TSPAN5: variants seen among roughly 807,000 people sequenced by gnomAD.
The protein encoded by TSPAN5 is tetraspanin 5.
In TSPAN5, 10 loss-of-function variants were observed where a neutral mutation model predicts 37.1. The ratio of observed to expected loss-of-function variants is 0.27; its 90% CI spans 0.17 to 0.46. TSPAN5 has a LOEUF of 0.46. Ranked by LOEUF, TSPAN5 falls within the 20% of genes least tolerant of loss-of-function variation. The pLI, the probability that TSPAN5 is intolerant of heterozygous loss-of-function variation, is 1.00. For synonymous variants in TSPAN5, 110 were observed against 118.9 expected (o/e 0.93, Z 0.48); for missense variants, 195 against 326.6 (o/e 0.60, Z 3.11).
At chr4:98,558,417 T>G (rs1754797799) in intron 1 of TSPAN5, among the ~76,000 whole-genome samples, 1 of 152,184 alleles carries the variant, frequency 6.6e-6, no homozygotes, top group South Asian at 2.1e-4. Context: ...AAATCCATAC[T>G]GAATTTAGAA....
chr4:98,509,602 T>C (rs1428605076), intron 1 of TSPAN5, among the ~76,000 whole-genome samples: 1 of 152,190 alleles, frequency 6.6e-6, no homozygotes, highest in South Asian at 2.1e-4. Context: ...CTTGCTCTTA[T>C]AGGGGACTCC....
intron 1 of TSPAN5, among the ~76,000 whole-genome samples, chr4:98,634,851 G>A (rs116705439): frequency 0.014 from 2,106 of 152,338 alleles, 33 homozygotes; most frequent in African/African-American, 0.037. Context: ...CAGAGTGGGA[G>A]AAGAGACAAA....
intron 1 of TSPAN5, among the ~76,000 whole-genome samples, chr4:98,550,506 C>A (rs1336326075): frequency 6.6e-6 from 1 of 151,922 alleles, no homozygotes; most frequent in Non-Finnish European, 1.5e-5. Context: ...ATTCTTCTAA[C>A]CCATGAGCAT....
At chr4:98,598,863 T>C (rs1000270459) in intron 1 of TSPAN5, among the ~76,000 whole-genome samples, 9 of 152,294 alleles carry the variant, frequency 5.9e-5, no homozygotes, top group Middle Eastern at 3.4e-3. Context: ...TTCAGAGTTA[T>C]TGAACATAAA....
intron 1 of TSPAN5, among the ~76,000 whole-genome samples, chr4:98,519,430 C>G (rs1207852379): frequency 6.6e-6 from 1 of 151,874 alleles, no homozygotes; most frequent in Non-Finnish European, 1.5e-5. Flanking sequence ...CCCAGGAGTT[C>G]AAGGTTACAT....
chr4:98,514,139 AT>A (rs1222066585), intron 1 of TSPAN5, among the ~76,000 whole-genome samples: 1 of 152,210 alleles, frequency 6.6e-6, no homozygotes, highest in African/African-American at 2.4e-5. Context: ...AAAACCCAAC[AT>A]TCTGATGAAG....
In TSPAN5 at chr4:98,511,302, T is replaced by A. The variant is rs1753599124; in HGVS notation, c.82-3574A>T. On this transcript the variant is annotated intron_variant, in intron 1 of 7. Transcript: ENST00000305798. Reference sequence around the variant, plus strand: ...CGTGTTGCTTAATAAAGGGAATACGTTCTGAGAAATGTGTAGTCATGCAAA... The same window carrying A: ...CGTGTTGCTTAATAAAGGGAATACGATCTGAGAAATGTGTAGTCATGCAAA... Among the ~76,000 whole-genome samples the A allele has an allele frequency of 3.3e-5, 5 of 152,134 alleles. No homozygotes were observed. The South Asian group carries it at 1.0e-3, about 32-fold the overall frequency.
intron 1 of TSPAN5, among the ~76,000 whole-genome samples, chr4:98,533,709 C>T (rs1016535088): frequency 6.7e-6 from 1 of 148,900 alleles, no homozygotes; most frequent in African/African-American, 2.5e-5. Flanking sequence ...CGCCACCAAG[C>T]CTGGCTAATT....
intron 1 of TSPAN5, among the ~76,000 whole-genome samples, chr4:98,648,753 T>C (rs1026369831): frequency 2.0e-5 from 3 of 152,094 alleles, no homozygotes; most frequent in Non-Finnish European, 2.9e-5. Flanking sequence ...CTCCCACACA[T>C]CCCCTCCAGG....
At position 98,498,286 on chromosome 4, in the gene TSPAN5, G is replaced by A. The variant is rs1028461284; in HGVS notation, c.132+9392C>T. On this transcript the variant is annotated intron_variant, in intron 2 of 7. Transcript: ENST00000305798. ...CAGAGCAGGGTTCTGAGCCTGGGCC[G>A]CCTGACCCAAGAGCAGGGTTCACAC... 3.5e-4 allele frequency among the ~76,000 whole-genome samples: 54 copies of A among 152,140 alleles called. 1 individual carries two copies. Among genetic ancestry groups the A allele is most frequent in the African/African-American group, 1.2e-3 (50 of 41,440 alleles).
rs368756060 is a variant in TSPAN5, at chr4:98,571,547, C to T, written c.82-63819G>A. ...ACTGATAACAGCATTTTTATTATAC[C>T]ATTCTGGGTGAGGTAAGTAAAAAAA... On this transcript the variant is annotated intron_variant, in intron 1 of 7. Coordinates refer to ENST00000305798, the MANE Select transcript of TSPAN5 (RefSeq NM_005723.4). 3.3e-5 allele frequency among the ~76,000 whole-genome samples: 5 copies of T among 150,320 alleles called. No individual in the cohort carries two copies. In the East Asian group the frequency reaches 9.8e-4, roughly 29 times the overall value.
intron 7 of TSPAN5, among the ~76,000 whole-genome samples, chr4:98,474,349 G>A (rs991009538): frequency 1.3e-5 from 2 of 152,132 alleles, no homozygotes; most frequent in East Asian, 3.9e-4. Context: ...ATATACGTAC[G>A]AGCTTATTTC....
chr4:98,512,830 T>C (rs1753639916), intron 1 of TSPAN5, among the ~76,000 whole-genome samples: 2 of 152,126 alleles, frequency 1.3e-5, no homozygotes, highest in African/African-American at 2.4e-5. Flanking sequence ...TTGGGATAAA[T>C]GAAGGTAAGA....
At position 98,501,217 on chromosome 4, in the gene TSPAN5, C is replaced by T. The variant is rs139709516; in HGVS notation, c.132+6461G>A. Among the ~76,000 whole-genome samples, 19 of 152,222 alleles carry T rather than the reference C, an allele frequency of 1.2e-4. No homozygotes were observed. In the East Asian group the frequency reaches 2.9e-3, roughly 23 times the overall value. ...AATATATATATTTTGTTTCTAACCC[C>T]GTATTATTCTCAAATCAGACTTCAG... On this transcript the variant is annotated intron_variant, in intron 2 of 7. Coordinates refer to ENST00000305798, the MANE Select transcript of TSPAN5 (RefSeq NM_005723.4).
chr4:98,490,744 T>A (rs758474599), intron 2 of TSPAN5, among the ~76,000 whole-genome samples: 15 of 152,194 alleles, frequency 9.9e-5, no homozygotes, highest in Non-Finnish European at 1.5e-4. Context: ...TTTAAAATTT[T>A]AAAAAACTGA....
intron 1 of TSPAN5, among the ~76,000 whole-genome samples, chr4:98,558,552 T>C (rs889753256): frequency 5.3e-5 from 8 of 152,202 alleles, no homozygotes; most frequent in Admixed American, 1.3e-4. Context: ...TTGAAGAGAT[T>C]GGTTTGCCAA....
At chr4:98,495,801 T>C (rs1037873704) in intron 2 of TSPAN5, among the ~76,000 whole-genome samples, 5 of 151,958 alleles carry the variant, frequency 3.3e-5, no homozygotes, top group East Asian at 1.9e-4. Context: ...GAGGAGCCTC[T>C]GTGTGCCACC....
At chr4:98,646,717 T>C (rs1442665578) in intron 1 of TSPAN5, among the ~76,000 whole-genome samples, 2 of 152,142 alleles carry the variant, frequency 1.3e-5, no homozygotes, top group African/African-American at 2.4e-5. Flanking sequence ...TTTAAGTTAT[T>C]TTGAGAATGC....
intron 1 of TSPAN5, among the ~76,000 whole-genome samples, chr4:98,527,428 G>A (rs1301948962): frequency 6.6e-6 from 1 of 152,134 alleles, no homozygotes; most frequent in Non-Finnish European, 1.5e-5. Flanking sequence ...CAAACCAAGA[G>A]TTAAAACTGC....
Sources: allele counts gnomAD v4.1 joint callset (sites outside exome capture counted in the v4.1 genomes callset), GRCh38; gene constraint gnomAD v4.1.1; transcripts MANE v1.5; gene names NCBI Gene and HGNC (gene_info 2026-07-23, HGNC 2026-07-21).